SLC44A2: variants seen among roughly 807,000 people sequenced by gnomAD.
SLC44A2 encodes the protein choline transporter-like protein 2.
A neutral mutation model predicts 90.8 loss-of-function variants in SLC44A2; 57 were observed. The ratio of observed to expected loss-of-function variants is 0.63; its 90% CI spans 0.51 to 0.78. The LOEUF (loss-of-function observed/expected upper bound fraction) is 0.78, where lower values mean the gene tolerates loss of function less well. Ranked by LOEUF, SLC44A2 falls within the 30% of genes least tolerant of loss-of-function variation. The probability of loss-of-function intolerance (pLI) is 0.00; values close to 1 mark genes in which losing one functional copy is unlikely to be tolerated. For synonymous variants in SLC44A2, 355 were observed against 360.7 expected (o/e 0.98, Z 0.18); for missense variants, 794 against 919.7 (o/e 0.86, Z 1.77).
chr19:10,628,091 C>G (rs1441583530), intron 4 of SLC44A2, 87 bp downstream of exon 4: 2 of 1,264,782 alleles, frequency 1.6e-6, no homozygotes, highest in East Asian at 2.5e-5. Flanking sequence ...GTCCAGTTAA[C>G]AAGTGCTTAT....
rs1234499689 is a variant in SLC44A2 at position 10,642,774 on chromosome 19, GT to G, written c.2014+330del. On this transcript the variant is annotated intron_variant, in intron 21 of 21. Transcript: ENST00000335757. Reference sequence around the variant, plus strand: ...GTCTCTCCATCTGTTTTTTTTGTTTGTTTTTTTCTTCTCTCTTCCTCTCCTC... The same window carrying G: ...GTCTCTCCATCTGTTTTTTTTGTTTGTTTTTTCTTCTCTCTTCCTCTCCTC... The G allele has an allele frequency of 2.4e-6, 3 of 1,260,848 alleles. No homozygotes were observed. In the East Asian group the frequency reaches 7.7e-5, roughly 32 times the overall value. The allele number at this position is 1,260,848 out of a possible 1,614,324, so 78.1% of individuals were successfully genotyped here. A position where few individuals can be genotyped will look rare whatever the true frequency, so the allele number is the denominator to read the frequency against.
intron 20 of SLC44A2, among the ~76,000 whole-genome samples, chr19:10,640,642 G>A (rs1006663844): frequency 6.6e-6 from 1 of 152,120 alleles, no homozygotes; most frequent in South Asian, 2.1e-4. Flanking sequence ...TACCAAGGCC[G>A]TGTGAGTCTC....
Position 10,643,603 on chromosome 19 carries a change from C to T in SLC44A2, c.*218C>T. ...GAGTTTTCATGGCTGCCCCTCCAGACTGCGAGAAACAAGTAAAAACCCATT... is the reference window on the plus strand; with the variant it reads ...GAGTTTTCATGGCTGCCCCTCCAGATTGCGAGAAACAAGTAAAAACCCATT... On this transcript the variant is annotated 3_prime_UTR_variant, in exon 22 of 22. Coordinates refer to ENST00000335757, the MANE Select transcript of SLC44A2 (RefSeq NM_020428.4). 2 of 483,996 alleles carry T rather than the reference C, an allele frequency of 4.1e-6. No individual in the cohort carries two copies. The highest frequency in any genetic ancestry group is 7.2e-6 in the Non-Finnish European group (2 of 278,654). The allele number at this position is 483,996 out of a possible 1,614,324, so 30.0% of individuals were successfully genotyped here. A position where few individuals can be genotyped will look rare whatever the true frequency, so the allele number is the denominator to read the frequency against.
At chr19:10,643,141 C>A in intron 21 of SLC44A2, 138 bp from the exon 22 acceptor site, 1 of 1,452,622 alleles carries the variant, frequency 6.9e-7, no homozygotes, top group Non-Finnish European at 9.0e-7. Flanking sequence ...CCACTACAGT[C>A]TGCCCCTCTC....
At chr19:10,611,536 G>C (rs779190043) in intron 1 of SLC44A2, among the ~76,000 whole-genome samples, 1 of 144,928 alleles carries the variant, frequency 6.9e-6, no homozygotes, top group Non-Finnish European at 1.5e-5. Flanking sequence ...GTGAGGCCAA[G>C]GTGGGTGGAT....
chr19:10,621,137 T>A (rs2066891992), upstream of SLC44A2, among the ~76,000 whole-genome samples: 1 of 151,740 alleles, frequency 6.6e-6, no homozygotes, highest in East Asian at 2.0e-4. Context: ...TCACTTGAGG[T>A]CAGGAGTTCG....
Position 10,602,886 on chromosome 19 carries a change from AGACAGGGCCCT to A in SLC44A2, c.31+329_31+339del, listed in dbSNP as rs1295406409. On this transcript the variant is annotated intron_variant, in intron 1 of 21. Transcript: ENST00000407327. ...GCGCGGCGATCTGGGCTCGGAAAAG[AGACAGGGCCCT>A]GACCTCCTCAAATCCCCCTCCTCTT... Among the ~76,000 whole-genome samples, 6 of 152,200 alleles carry A rather than the reference AGACAGGGCCCT, an allele frequency of 3.9e-5. 1 individual carries two copies. The highest frequency in any genetic ancestry group is 3.9e-4 in the Admixed American group (6 of 15,292).
At chr19:10,621,705 G>A (rs550924471), upstream of SLC44A2, among the ~76,000 whole-genome samples, 43 of 152,124 alleles carry the variant, frequency 2.8e-4, no homozygotes, top group South Asian at 1.0e-3. Flanking sequence ...TGCAACCTCC[G>A]CTTCCCAGGT....
chr19:10,606,195 G>A lies in SLC44A2; in HGVS notation c.31+3634G>A, dbSNP rs1039469629. Among the ~76,000 whole-genome samples, 13 of 152,162 alleles carry A rather than the reference G, an allele frequency of 8.5e-5. No homozygotes were observed. The East Asian group carries it at 2.5e-3, about 29-fold the overall frequency. On this transcript the variant is annotated intron_variant, in intron 1 of 21. Transcript: ENST00000407327. ...TCAACTGTATTCCAGCTACTTGGGA[G>A]GCTGAGGTGGGAGGATTGCTTGAGC...
At chr19:10,635,544 G>C in intron 14 of SLC44A2, 29 bp downstream of exon 14, 1 of 1,586,632 alleles carries the variant, frequency 6.3e-7, no homozygotes, top group South Asian at 1.1e-5. Context: ...GGGAGGGCAG[G>C]TATTGCCCCA....
At chr19:10,642,567 T>C (rs778655882) in intron 21 of SLC44A2, 116 bp downstream of exon 21, 3 of 994,228 alleles carry the variant, frequency 3.0e-6, no homozygotes, top group Non-Finnish European at 4.7e-6. Flanking sequence ...CCCCAGGGCT[T>C]GGCTGTCCCT....
chr19:10,621,959 A>G (rs2066898030), upstream of SLC44A2, among the ~76,000 whole-genome samples: 1 of 152,050 alleles, frequency 6.6e-6, no homozygotes, highest in African/African-American at 2.4e-5. Context: ...ATGGGGTTTC[A>G]CAGTGTTGCC....
At chr19:10,604,740 G>GTCAAGC (rs1259534320) in intron 1 of SLC44A2, among the ~76,000 whole-genome samples, 18 of 152,148 alleles carry the variant, frequency 1.2e-4, no homozygotes, top group Admixed American at 3.3e-4. Flanking sequence ...TGCATAGGCT[G>GTCAAGC]TCAAGCTCGA....
chr19:10,616,638 G>T (rs1038005423), intron 1 of SLC44A2, among the ~76,000 whole-genome samples: 2 of 151,926 alleles, frequency 1.3e-5, no homozygotes, highest in Admixed American at 1.3e-4. Context: ...GCTGAGGTGG[G>T]CGGATCACCT....
intron 1 of SLC44A2, among the ~76,000 whole-genome samples, chr19:10,616,738 G>A (rs956776929): frequency 1.1e-4 from 17 of 151,436 alleles, no homozygotes; most frequent in African/African-American, 2.9e-4. Context: ...GGTGGTGGGC[G>A]CCTGTCTCAA....
Position 10,640,987 on chromosome 19 carries a change from T to C in SLC44A2, c.1930-1380T>C, listed in dbSNP as rs1039073409. On this transcript the variant is annotated intron_variant, in intron 20 of 21. Coordinates refer to ENST00000335757, the MANE Select transcript of SLC44A2 (RefSeq NM_020428.4). ...CTGTAGTCCCAGCTACTCAGGAGGC[T>C]GAGGTAAGAGAATCGCTTGAACCCG... is the stretch of plus-strand genomic sequence containing the variant. The C allele has an allele frequency of 3.4e-5, 11 of 326,176 alleles. No homozygotes were observed. The East Asian group carries it at 5.9e-4, about 17-fold the overall frequency. 20.2% of individuals were successfully genotyped at this position (326,176 alleles called of 1,614,324 possible).
At chr19:10,603,450 A>G (rs1918017867) in intron 1 of SLC44A2, among the ~76,000 whole-genome samples, 1 of 152,206 alleles carries the variant, frequency 6.6e-6, no homozygotes, top group Non-Finnish European at 1.5e-5. Flanking sequence ...TTTGTGTGAC[A>G]AGAACTTCCT....
At position 10,638,077 on chromosome 19, in the gene SLC44A2, G is replaced by C. The variant is rs1024859044; in HGVS notation, c.1824G>C (p.Leu608=). The change falls in exon 19 of 22, where the codon CTG becomes CTC. Residue 608 remains leucine, a synonymous_variant. Transcript: ENST00000335757. ...TCCTCTTCCTGTTGGGCAAACTTCTGATCGTTGGTAGTGTGGGTGAGTGCC... is the reference window on the plus strand; with the variant it reads ...TCCTCTTCCTGTTGGGCAAACTTCTCATCGTTGGTAGTGTGGGTGAGTGCC... ...TDFLFLLGKL[L]IVGSVGILAF... The C allele has an allele frequency of 6.2e-7, 1 of 1,613,848 alleles. No homozygotes were observed. The highest frequency in any genetic ancestry group is 1.3e-5 in the African/African-American group (1 of 74,832).
intron 14 of SLC44A2, chr19:10,635,775 T>C: frequency 1.8e-5 from 3 of 163,274 alleles, no homozygotes; most frequent in Non-Finnish European, 2.5e-5. Context: ...CCTACTTCCT[T>C]TTTTTTTTTT....
Sources: gnomAD v4.1 joint callset for allele counts (sites outside exome capture counted in the v4.1 genomes callset) on GRCh38, gnomAD v4.1.1 for gene constraint, MANE v1.5 for transcripts, NCBI Gene and HGNC (gene_info 2026-07-23, HGNC 2026-07-21) for gene names.